Variants in CADPS observed in about 807,000 individuals in gnomAD.
CADPS encodes the protein calcium dependent secretion activator, also known as calcium-dependent secretion activator 1.
In CADPS, 57 loss-of-function variants were observed where a neutral mutation model predicts 167.3. The observed-to-expected ratio is 0.34, with a 90% CI of 0.28 to 0.42. CADPS has a LOEUF of 0.42. Among genes scored for constraint, CADPS ranks in the 20% least tolerant of loss-of-function variants. CADPS has a pLI of 1.00. For missense variants in CADPS, 1,414 were observed against 1,738.1 expected (o/e 0.81, Z 3.32); for synonymous variants, 676 against 635.3 (o/e 1.06, Z -0.96).
intron 1 of CADPS, among the ~76,000 whole-genome samples, chr3:62,798,679 A>ACC (rs34285157): frequency 0.13 from 19,914 of 151,974 alleles, 3,583 homozygotes; most frequent in African/African-American, 0.41. Flanking sequence ...CCCAAATGTT[A>ACC]CCCCTGTGAA....
At chr3:62,707,290 C>G (rs2082492427) in intron 3 of CADPS, among the ~76,000 whole-genome samples, 1 of 152,096 alleles carries the variant, frequency 6.6e-6, no homozygotes, top group Non-Finnish European at 1.5e-5. Flanking sequence ...GCCTGATGAT[C>G]TGGGGTGAAG....
chr3:62,798,351 T>A (rs1365456407), intron 1 of CADPS, among the ~76,000 whole-genome samples: 3 of 152,072 alleles, frequency 2.0e-5, no homozygotes, highest in African/African-American at 7.2e-5. Flanking sequence ...GCCTTCATCC[T>A]CCTTCCAGCA....
intron 3 of CADPS, among the ~76,000 whole-genome samples, chr3:62,708,585 G>A (rs2151738484): frequency 6.6e-6 from 1 of 152,146 alleles, no homozygotes; most frequent in African/African-American, 2.4e-5. Flanking sequence ...TCATTTTCAT[G>A]AGAGAGCTAT....
At chr3:62,822,161 C>T (rs1460301272) in intron 1 of CADPS, among the ~76,000 whole-genome samples, 3 of 140,948 alleles carry the variant, frequency 2.1e-5, no homozygotes, top group African/African-American at 9.7e-5. Flanking sequence ...TCCCTTTTGC[C>T]ATAGAACTTA....
chr3:62,479,551 T>C (rs2150774848), intron 22 of CADPS, among the ~76,000 whole-genome samples: 1 of 152,332 alleles, frequency 6.6e-6, no homozygotes, highest in African/African-American at 2.4e-5. Context: ...CATAAATGCA[T>C]ACACAGCTAC....
At chr3:62,665,612 C>T (rs1370389690) in intron 3 of CADPS, among the ~76,000 whole-genome samples, 2 of 152,194 alleles carry the variant, frequency 1.3e-5, no homozygotes, top group Non-Finnish European at 2.9e-5. Context: ...CTTGTAGACA[C>T]GGGCCAGTTT....
intron 8 of CADPS, among the ~76,000 whole-genome samples, chr3:62,572,682 A>G (rs2081508335): frequency 6.9e-6 from 1 of 145,254 alleles, no homozygotes; most frequent in Non-Finnish European, 1.5e-5. Flanking sequence ...AAAGTAAACT[A>G]TATTATAGGC....
chr3:62,804,684 C>G (rs547521531), intron 1 of CADPS, among the ~76,000 whole-genome samples: 1 of 151,714 alleles, frequency 6.6e-6, no homozygotes, highest in Non-Finnish European at 1.5e-5. Context: ...TGTTGCCTTG[C>G]AAATCTATAG....
intron 3 of CADPS, among the ~76,000 whole-genome samples, chr3:62,663,788 A>G (rs2073874049): frequency 6.6e-6 from 1 of 152,152 alleles, no homozygotes; most frequent in African/African-American, 2.4e-5. Context: ...ATCTGGCTTT[A>G]TGCTGTACAT....
At position 62,515,988 on chromosome 3, in the gene CADPS, A is replaced by G. The variant is rs1335267983; in HGVS notation, c.2581+71T>C. ...CCACTGTTTTCAGGTGCCCTTGAGAAAAGAGAAAGACTTCCCCAGGGAGGC... is the reference window on the plus strand; with the variant it reads ...CCACTGTTTTCAGGTGCCCTTGAGAGAAGAGAAAGACTTCCCCAGGGAGGC... On this transcript the variant is annotated intron_variant, in intron 16 of 29. Transcript: ENST00000383710. The G allele has an allele frequency of 5.0e-6, 8 of 1,588,768 alleles. No homozygotes were observed. The Admixed American group carries it at 1.2e-4, about 24-fold the overall frequency.
intron 3 of CADPS, among the ~76,000 whole-genome samples, chr3:62,683,174 T>C (rs2077425946): frequency 6.6e-6 from 1 of 151,948 alleles, no homozygotes; most frequent in Admixed American, 6.6e-5. Context: ...TCTATGAACA[T>C]GCTAGAAGCA....
chr3:62,423,823 G>A (rs73102552), intron 28 of CADPS, among the ~76,000 whole-genome samples: 3,348 of 152,266 alleles, frequency 0.022, 61 homozygotes, highest in Non-Finnish European at 0.036. Flanking sequence ...ATATCCTAGG[G>A]CTGCTAAGAG....
chr3:62,846,963 G>A (rs1038223727), intron 1 of CADPS, among the ~76,000 whole-genome samples: 2 of 152,108 alleles, frequency 1.3e-5, no homozygotes, highest in Non-Finnish European at 1.5e-5. Flanking sequence ...CCACTCGCCC[G>A]GCTGGAGGTG....
chr3:62,538,137 A>T (rs2075068350), intron 11 of CADPS, among the ~76,000 whole-genome samples: 1 of 152,130 alleles, frequency 6.6e-6, no homozygotes, highest in South Asian at 2.1e-4. Flanking sequence ...TTGCTGCATT[A>T]ACTGCCTCAG....
chr3:62,423,400 T>C (rs1166035814), intron 28 of CADPS, among the ~76,000 whole-genome samples: 1 of 152,202 alleles, frequency 6.6e-6, no homozygotes, highest in Non-Finnish European at 1.5e-5. Context: ...ACAATTTCTG[T>C]CTTATATCCT....
At chr3:62,518,944 AT>A (rs1329754615) in intron 13 of CADPS, among the ~76,000 whole-genome samples, 1 of 152,192 alleles carries the variant, frequency 6.6e-6, no homozygotes, top group Non-Finnish European at 1.5e-5. Flanking sequence ...ACTGTTACTC[AT>A]TGTAATAAAA....
intron 3 of CADPS, among the ~76,000 whole-genome samples, 193 bp from the exon 4 acceptor site, chr3:62,662,587 G>A (rs1221812633): frequency 1.3e-5 from 2 of 152,194 alleles, no homozygotes; most frequent in African/African-American, 4.8e-5. Flanking sequence ...TGATATGGTA[G>A]GCAGCTGCTA....
chr3:62,655,309 T>C (rs1446053800), intron 4 of CADPS, among the ~76,000 whole-genome samples: 1 of 152,156 alleles, frequency 6.6e-6, no homozygotes, highest in Non-Finnish European at 1.5e-5. Flanking sequence ...GAAAATGCAG[T>C]CGTCCATCTC....
chr3:62,643,845 T>C (rs528635372), intron 6 of CADPS, among the ~76,000 whole-genome samples: 2 of 152,254 alleles, frequency 1.3e-5, no homozygotes, highest in South Asian at 2.1e-4. Flanking sequence ...AAAGCACAAA[T>C]AGTGCAGTAT....
Sources: allele counts gnomAD v4.1 joint callset (sites outside exome capture counted in the v4.1 genomes callset), GRCh38; gene constraint gnomAD v4.1.1; transcripts MANE v1.5; gene names NCBI Gene and HGNC (gene_info 2026-07-23, HGNC 2026-07-21).